The following CAMKMT variants were observed in gnomAD, a reference collection of about 807,000 sequenced individuals.
CAMKMT encodes the protein CaM KMT.
Under a neutral mutation model 48.0 loss-of-function variants are expected in CAMKMT, and 53 were observed. The observed-to-expected ratio is 1.10, with a 90% CI of 0.89 to 1.39. The LOEUF (loss-of-function observed/expected upper bound fraction) is 1.39, where lower values mean the gene tolerates loss of function less well. Among genes scored for constraint, CAMKMT ranks in the 40% most tolerant of loss-of-function variants. CAMKMT has a pLI of 0.00. For synonymous variants in CAMKMT, 165 were observed against 152.3 expected (o/e 1.08, Z -0.61); for missense variants, 428 against 402.7 (o/e 1.06, Z -0.54).
intron 3 of CAMKMT, among the ~76,000 whole-genome samples, chr2:44,502,807 AT>A (rs1279485776): frequency 1.3e-5 from 2 of 152,182 alleles, no homozygotes; most frequent in African/African-American, 4.8e-5. Context: ...CTATTCAATA[AT>A]TATTATCCAT....
intron 3 of CAMKMT, among the ~76,000 whole-genome samples, chr2:44,412,968 A>C (rs1265879782): frequency 6.6e-6 from 1 of 151,586 alleles, no homozygotes; most frequent in Non-Finnish European, 1.5e-5. Context: ...CCCAGCTATT[A>C]GGGGGGCGGA....
intron 3 of CAMKMT, among the ~76,000 whole-genome samples, chr2:44,687,563 C>G: frequency 6.6e-6 from 1 of 152,214 alleles, no homozygotes; most frequent in Non-Finnish European, 1.5e-5. Context: ...TGGTTTTTAT[C>G]ATTGCTATCA....
chr2:44,668,824 C>T (rs1675159932), intron 3 of CAMKMT, among the ~76,000 whole-genome samples: 1 of 151,920 alleles, frequency 6.6e-6, no homozygotes, highest in African/African-American at 2.4e-5. Flanking sequence ...CTCTGATGCC[C>T]AGGCTGGAGT....
chr2:44,473,853 C>T (rs1558642606), intron 3 of CAMKMT, among the ~76,000 whole-genome samples: 1 of 152,156 alleles, frequency 6.6e-6, no homozygotes, highest in Non-Finnish European at 1.5e-5. Flanking sequence ...TTGGTTATTA[C>T]TGGGATACCC....
At chr2:44,745,405 T>C (rs1679876050) in intron 8 of CAMKMT, among the ~76,000 whole-genome samples, 1 of 152,204 alleles carries the variant, frequency 6.6e-6, no homozygotes, top group Non-Finnish European at 1.5e-5. Flanking sequence ...AGGTTAAAAA[T>C]AGCCACACAA....
intron 3 of CAMKMT, among the ~76,000 whole-genome samples, chr2:44,448,390 C>A (rs1257241631): frequency 1.3e-5 from 2 of 152,176 alleles, no homozygotes; most frequent in African/African-American, 2.4e-5. Flanking sequence ...GTCCACTTCC[C>A]TAGAGGGTCT....
intron 3 of CAMKMT, among the ~76,000 whole-genome samples, chr2:44,413,160 G>A (rs987569058): frequency 6.6e-6 from 1 of 151,874 alleles, no homozygotes; most frequent in African/African-American, 2.4e-5. Context: ...AGTTCTCTGG[G>A]GGCTGATTAC....
chr2:44,587,932 GT>G (rs1175041857), intron 3 of CAMKMT, among the ~76,000 whole-genome samples: 1 of 103,780 alleles, frequency 9.6e-6, no homozygotes, highest in African/African-American at 3.5e-5. Context: ...TCTCTGCCTG[GT>G]CCCCCATCGT....
At chr2:44,446,659 C>T (rs995386703) in intron 3 of CAMKMT, among the ~76,000 whole-genome samples, 2 of 152,100 alleles carry the variant, frequency 1.3e-5, no homozygotes, top group African/African-American at 4.8e-5. Context: ...CCCTTATATT[C>T]TCATTCACTT....
At chr2:44,638,853 T>C (rs537496951) in intron 3 of CAMKMT, among the ~76,000 whole-genome samples, 65 of 152,300 alleles carry the variant, frequency 4.3e-4, no homozygotes, top group African/African-American at 1.5e-3. Context: ...ACAGAGGCCT[T>C]GGACTGCCAG....
intron 3 of CAMKMT, among the ~76,000 whole-genome samples, chr2:44,619,424 C>A (rs1316521844): frequency 6.6e-6 from 1 of 151,732 alleles, no homozygotes; most frequent in Non-Finnish European, 1.5e-5. Flanking sequence ...TACTCTTGTA[C>A]ATTTTTATAA....
intron 3 of CAMKMT, among the ~76,000 whole-genome samples, chr2:44,435,947 C>T (rs780983370): frequency 1.3e-5 from 2 of 152,134 alleles, no homozygotes; most frequent in Admixed American, 6.5e-5. Context: ...GCCTAGAAAT[C>T]CTGTGAAGTT....
In CAMKMT at chr2:44,549,882, A is replaced by G. The variant is rs1667612873; in HGVS notation, c.377-154401A>G. Reference sequence around the variant, plus strand: ...GTGTTAAAAGTCTTGGTGTTATGTGAAGAGTGTCTTTATCCATCCTTCCGT... The same window carrying G: ...GTGTTAAAAGTCTTGGTGTTATGTGGAGAGTGTCTTTATCCATCCTTCCGT... On this transcript the variant is annotated intron_variant, in intron 3 of 10. Coordinates refer to ENST00000378494, the MANE Select transcript of CAMKMT (RefSeq NM_024766.5). 4 of 342,020 alleles carry G rather than the reference A, an allele frequency of 1.2e-5. No homozygotes were observed. The South Asian group carries it at 4.1e-4, about 35-fold the overall frequency. The allele number at this position is 342,020 out of a possible 1,614,324, so 21.2% of individuals were successfully genotyped here.
chr2:44,673,524 G>GGAA (rs1558786891), intron 3 of CAMKMT, among the ~76,000 whole-genome samples: 1,648 of 58,284 alleles, frequency 0.028, 53 homozygotes, highest in African/African-American at 0.077. Flanking sequence ...GAAGGAAGGA[G>GGAA]GGAAGGAAGA....
At chr2:44,465,534 T>C (rs1668066478) in intron 3 of CAMKMT, among the ~76,000 whole-genome samples, 1 of 143,024 alleles carries the variant, frequency 7.0e-6, no homozygotes, top group Admixed American at 7.3e-5. Flanking sequence ...AGGCAGAGGC[T>C]GCAGTGAGCC....
chr2:44,752,333 C>T (rs991064919), intron 8 of CAMKMT, among the ~76,000 whole-genome samples: 1 of 151,858 alleles, frequency 6.6e-6, no homozygotes, highest in African/African-American at 2.4e-5. Flanking sequence ...TCACGTATCC[C>T]AATATGGGGT....
rs939287064 is a variant in CAMKMT at position 44,421,219 on chromosome 2, T to C, written c.376+30914T>C. Among the ~76,000 whole-genome samples the C allele has an allele frequency of 2.6e-5, 4 of 152,162 alleles. No homozygotes were observed. In the South Asian group the frequency reaches 8.3e-4, roughly 31 times the overall value. On this transcript the variant is annotated intron_variant, in intron 3 of 10. Coordinates refer to ENST00000378494, the MANE Select transcript of CAMKMT (RefSeq NM_024766.5). ...AATATTCTGCTATTCATTTACTTTC[T>C]TCATGAGCAGTGATCTTGAAAGTTT...
At chr2:44,705,564 G>A (rs890595533) in intron 4 of CAMKMT, 2 of 980,504 alleles carry the variant, frequency 2.0e-6, no homozygotes, top group Non-Finnish European at 2.4e-6. Flanking sequence ...ACCCTAGACT[G>A]TCAGCTTTAA....
intron 3 of CAMKMT, among the ~76,000 whole-genome samples, chr2:44,678,208 G>GA (rs905802614): frequency 1.5e-3 from 227 of 152,158 alleles, no homozygotes; most frequent in African/African-American, 5.2e-3. Context: ...TTAAATGCGT[G>GA]AAAAAAGTAG....
Sources: gnomAD v4.1 joint callset for allele counts (sites outside exome capture counted in the v4.1 genomes callset) on GRCh38, gnomAD v4.1.1 for gene constraint, MANE v1.5 for transcripts, NCBI Gene and HGNC (gene_info 2026-07-23, HGNC 2026-07-21) for gene names.